The following CBY3 variants were observed in gnomAD, a reference collection of about 807,000 sequenced individuals.
CBY3 encodes chibby family member 3, also known as sperm annulus positioning complex subunit Chibby3.
In CBY3, 7 loss-of-function variants were observed where a neutral mutation model predicts 3.0. That is an observed-to-expected ratio of 2.32 (90% CI 1.32 to 4.35). The LOEUF is 4.35. Among genes scored for constraint, CBY3 ranks in the 30% most tolerant of loss-of-function variants. The pLI is 0.00. For missense variants in CBY3, 400 were observed against 336.4 expected (o/e 1.19, Z -1.48); for synonymous variants, 170 against 154.5 (o/e 1.10, Z -0.74).
chr5:179,678,780 A>G lies in CBY3; in HGVS notation c.532T>C (p.Tyr178His), dbSNP rs779470825. 6.5e-7 allele frequency: 1 copy of G among 1,537,046 alleles called. No homozygotes were observed. Among genetic ancestry groups the G allele is most frequent in the South Asian group, 1.2e-5 (1 of 84,060 alleles). The change falls in exon 2 of 2, where the codon TAC (tyrosine) becomes CAC (histidine). Residue 178 changes from tyrosine to histidine, a missense_variant. By Grantham distance (83) the Tyr-to-His change is moderately conservative. Transcript: ENST00000376974. ...AGCAGTTCCTGCTGCAGCTTCAGGT[A>G]GTTGTTCTCCTCCAGCAACACTTGG... ...KSQVLLEENN[Y>H]LKLQQELLID... is the part of the protein sequence containing the mutation.
rs755619472 is a variant in CBY3, at chr5:179,680,915, A to G, written c.4T>C (p.Trp2Arg). 6 of 1,536,572 alleles carry G rather than the reference A, an allele frequency of 3.9e-6. No individual in the cohort carries two copies. The South Asian group carries it at 7.1e-5, about 18-fold the overall frequency. ...TCAGGGAGATGGTCTCTGGAAGCCC[A>G]CATCCAGGCCCACCCTTGAGATTGT... M[W>R]ASRDHLPEPD... Residue 2 changes from tryptophan (W) to arginine (R), a missense_variant, in exon 1 of 2, where the codon TGG becomes CGG. By Grantham distance (101) the Trp-to-Arg change is moderately radical. Transcript: ENST00000376974.
chr5:179,679,383 C>T lies in CBY3; in HGVS notation c.47-118G>A. 4 of 879,016 alleles carry T rather than the reference C, an allele frequency of 4.6e-6. No homozygotes were observed. The South Asian group carries it at 5.5e-5, about 12-fold the overall frequency. The allele number at this position is 879,016 out of a possible 1,614,324, so 54.5% of individuals were successfully genotyped here. ...GGCTGCGGCTGTGTCTCACCAGCTG[C>T]TGGCCACCGAGGAGCCCGTCGTTCC... On this transcript the variant is annotated intron_variant, in intron 1 of 1. Coordinates refer to ENST00000376974, the MANE Select transcript of CBY3 (RefSeq NM_001164444.2).
chr5:179,679,030 T>TGGCG lies in CBY3; in HGVS notation c.278_281dup (p.Leu95AlafsTer49). 1 of 1,534,708 alleles carries TGGCG rather than the reference T, an allele frequency of 6.5e-7. No individual in the cohort carries two copies. The highest frequency in any genetic ancestry group is 8.7e-7 in the Non-Finnish European group (1 of 1,145,984). On this transcript the variant is annotated frameshift_variant, in exon 2 of 2. Coordinates refer to ENST00000376974, the MANE Select transcript of CBY3 (RefSeq NM_001164444.2). LOFTEE classifies it low-confidence loss of function (END_TRUNC). ...TGGACAGGGAGGGCATGCGGCGCAG[T>TGGCG]GGCGGCCGCCGTGGCGAGAAGGGCC...
chr5:179,680,792 G>A (rs1000132233), intron 1 of CBY3, 81 bp downstream of exon 1: 3 of 1,117,688 alleles, frequency 2.7e-6, no homozygotes, highest in Admixed American at 2.1e-5. Context: ...ACTAGAGCAG[G>A]GTTCCCTCTG....
chr5:179,679,368 G>A, intron 1 of CBY3, 103 bp from the exon 2 acceptor site: 1 of 1,019,594 alleles, frequency 9.8e-7, no homozygotes, highest in Non-Finnish European at 1.4e-6. Context: ...GGCTGCGGCT[G>A]TGTCTCACCA....
chr5:179,678,627 C>A lies in CBY3; in HGVS notation c.685G>T (p.Ala229Ser), dbSNP rs1205080873. ...RKMRKRAGAS[A>S]GVLMIQPCAL... is the part of the protein sequence containing the mutation. ...CACGGCTGGATCATGAGCACGCCCG[C>A]GCTGGCGCCTGCGCGCTTGCGCATC... The change falls in exon 2 of 2, where the codon GCG (alanine) becomes TCG (serine). Residue 229 changes from alanine (A) to serine (S), a missense_variant. Ala to Ser is a moderately conservative substitution (Grantham distance 99). Coordinates refer to ENST00000376974, the MANE Select transcript of CBY3 (RefSeq NM_001164444.2). 6.5e-7 allele frequency: 1 copy of A among 1,532,684 alleles called. No individual in the cohort carries two copies. The highest frequency in any genetic ancestry group is 8.7e-7 in the Non-Finnish European group (1 of 1,144,132). The allele number at this position is 1,532,684 out of a possible 1,614,324, so 94.9% of individuals were successfully genotyped here.
In CBY3 at chr5:179,679,133, G is replaced by T. The variant is rs1775983341; in HGVS notation, c.179C>A (p.Thr60Asn). 6.5e-7 allele frequency: 1 copy of T among 1,535,702 alleles called. No individual in the cohort carries two copies. Among genetic ancestry groups the T allele is most frequent in the East Asian group, 2.4e-5 (1 of 40,906 alleles). Residue 60 changes from threonine to asparagine, a missense_variant, in exon 2 of 2, where the codon ACC becomes AAC. Transcript: ENST00000376974. Reference protein sequence around the residue: ...CVPYKVHALATFECSATSHAS... With the variant: ...CVPYKVHALANFECSATSHAS... Reference sequence around the variant, plus strand: ...ATGGCTCGTAGCCGAGCACTCGAAGGTTGCCAGGGCGTGGACCTTGTAGGG... The same window carrying T: ...ATGGCTCGTAGCCGAGCACTCGAAGTTTGCCAGGGCGTGGACCTTGTAGGG...
chr5:179,680,754 C>G (rs1337876135), intron 1 of CBY3, 119 bp downstream of exon 1: 1 of 704,336 alleles, frequency 1.4e-6, no homozygotes, highest in Non-Finnish European at 2.4e-6. Context: ...AATTCCTCTT[C>G]TGCCCATGGG....
intron 1 of CBY3, 97 bp from the exon 2 acceptor site, chr5:179,679,362 G>T: frequency 9.1e-7 from 1 of 1,093,028 alleles, no homozygotes; most frequent in Non-Finnish European, 1.3e-6. Context: ...AGCTACGGCT[G>T]CGGCTGTGTC....
In CBY3 at chr5:179,680,985, T is replaced by C; in HGVS notation, c.-67A>G. 7.2e-7 allele frequency: 1 copy of C among 1,386,566 alleles called. No homozygotes were observed. The highest frequency in any genetic ancestry group is 2.0e-5 in the Admixed American group (1 of 50,406). 85.9% of individuals were successfully genotyped at this position (1,386,566 alleles called of 1,614,324 possible). A position where few individuals can be genotyped will look rare whatever the true frequency, so the allele number is the denominator to read the frequency against. On this transcript the variant is annotated 5_prime_UTR_variant, in exon 1 of 2. Transcript: ENST00000376974. Reference sequence around the variant, plus strand: ...CCCCGTTAGTCCTCACTGTATGTTGTGCCTCACCTGGAAGATGGGGTGGAG... The same window carrying C: ...CCCCGTTAGTCCTCACTGTATGTTGCGCCTCACCTGGAAGATGGGGTGGAG...
Position 179,679,065 on chromosome 5 carries a change from GATCGGCCCA to G in CBY3, c.238_246del (p.Trp80_Asp82del). Reference sequence around the variant, plus strand: ...CGTGGCGAGAAGGGCCGCGAGATGTGATCGGCCCAAAACTGCTGCAGCGTCTGCCACAGG... The same window carrying G: ...CGTGGCGAGAAGGGCCGCGAGATGTGAAACTGCTGCAGCGTCTGCCACAGG... On this transcript the variant is annotated inframe_deletion, in exon 2 of 2. Transcript: ENST00000376974. 1 of 1,535,038 alleles carries G rather than the reference GATCGGCCCA, an allele frequency of 6.5e-7. No individual in the cohort carries two copies. Among genetic ancestry groups the G allele is most frequent in the East Asian group, 2.4e-5 (1 of 40,880 alleles).
chr5:179,680,949 G>A lies in CBY3; in HGVS notation c.-31C>T, dbSNP rs376364930. ...CCCACCCTTGAGATTGTATCTTCTC[G>A]GAGGATGTTTCCCCGTTAGTCCTCA... On this transcript the variant is annotated 5_prime_UTR_variant, in exon 1 of 2. Coordinates refer to ENST00000376974, the MANE Select transcript of CBY3 (RefSeq NM_001164444.2). 33 of 1,530,800 alleles carry A rather than the reference G, an allele frequency of 2.2e-5. No individual in the cohort carries two copies. Among genetic ancestry groups the A allele is most frequent in the African/African-American group, 6.9e-5 (5 of 72,826 alleles). The allele number at this position is 1,530,800 out of a possible 1,614,324, so 94.8% of individuals were successfully genotyped here. A position where few individuals can be genotyped will look rare whatever the true frequency, so the allele number is the denominator to read the frequency against.
rs116305151 is a variant in CBY3, at chr5:179,679,095, A to C, written c.217T>G (p.Trp73Gly). ...CSATSHASRL[W>G]QTLQQFWADH... is the part of the protein sequence containing the mutation. ...GCCCAAAACTGCTGCAGCGTCTGCCACAGGCGGCTGGCATGGCTCGTAGCC... is the reference window on the plus strand; with the variant it reads ...GCCCAAAACTGCTGCAGCGTCTGCCCCAGGCGGCTGGCATGGCTCGTAGCC... Residue 73 changes from tryptophan (W) to glycine (G), a missense_variant, in exon 2 of 2, where the codon TGG becomes GGG. By Grantham distance (184) the Trp-to-Gly change is radical. Coordinates refer to ENST00000376974, the MANE Select transcript of CBY3 (RefSeq NM_001164444.2). 1,049 of 1,535,830 alleles carry C rather than the reference A, an allele frequency of 6.8e-4. 1 individual carries two copies. The highest frequency in any genetic ancestry group is 8.3e-4 in the Non-Finnish European group (947 of 1,146,696).
At position 179,678,958 on chromosome 5, in the gene CBY3, G is replaced by C; in HGVS notation, c.354C>G (p.Leu118=). Residue 118 remains leucine (L), a synonymous_variant, in exon 2 of 2, where the codon CTC becomes CTG. Coordinates refer to ENST00000376974, the MANE Select transcript of CBY3 (RefSeq NM_001164444.2). ...GGCGCATGCACGGCGCGCCGTAGGC[G>C]AGGCCCAGCTCGGCCTGGCGCGTGT... The part of the protein sequence containing the change: ...DHNTRQAELG[L]AYGAPCMRLS... 1 of 1,535,712 alleles carries C rather than the reference G, an allele frequency of 6.5e-7. No individual in the cohort carries two copies. The highest frequency in any genetic ancestry group is 1.4e-5 in the African/African-American group (1 of 73,152).
rs1228630531 is a variant in CBY3 at position 179,679,087 on chromosome 5, C to T, written c.225G>A (p.Thr75=). 2.0e-6 allele frequency: 3 copies of T among 1,535,692 alleles called. No homozygotes were observed. The highest frequency in any genetic ancestry group is 1.2e-5 in the South Asian group (1 of 84,026). Residue 75 remains threonine, a synonymous_variant, in exon 2 of 2, where the codon ACG becomes ACA. Coordinates refer to ENST00000376974, the MANE Select transcript of CBY3 (RefSeq NM_001164444.2). ...ATSHASRLWQ[T]LQQFWADHIS... ...TGTGATCGGCCCAAAACTGCTGCAGCGTCTGCCACAGGCGGCTGGCATGGC... is the reference window on the plus strand; with the variant it reads ...TGTGATCGGCCCAAAACTGCTGCAGTGTCTGCCACAGGCGGCTGGCATGGC...
At position 179,678,969 on chromosome 5, in the gene CBY3, C is replaced by G. The variant is rs1182230701; in HGVS notation, c.343G>C (p.Glu115Gln). The G allele has an allele frequency of 6.5e-7, 1 of 1,535,792 alleles. No individual in the cohort carries two copies. Among genetic ancestry groups the G allele is most frequent in the African/African-American group, 1.4e-5 (1 of 73,160 alleles). Residue 115 changes from glutamate (E) to glutamine (Q), a missense_variant, in exon 2 of 2, where the codon GAG becomes CAG. Coordinates refer to ENST00000376974, the MANE Select transcript of CBY3 (RefSeq NM_001164444.2). ...YLLDHNTRQA[E>Q]LGLAYGAPCM... is the part of the protein sequence containing the mutation. Reference sequence around the variant, plus strand: ...GGCGCGCCGTAGGCGAGGCCCAGCTCGGCCTGGCGCGTGTTGTGGTCCAGC... The same window carrying G: ...GGCGCGCCGTAGGCGAGGCCCAGCTGGGCCTGGCGCGTGTTGTGGTCCAGC...
chr5:179,679,022 C>T lies in CBY3; in HGVS notation c.290G>A (p.Arg97His). 6.5e-7 allele frequency: 1 copy of T among 1,535,262 alleles called. No individual in the cohort carries two copies. Among genetic ancestry groups the T allele is most frequent in the Non-Finnish European group, 8.7e-7 (1 of 1,146,210 alleles). The change falls in exon 2 of 2, where the codon CGC (arginine) becomes CAC (histidine). Residue 97 changes from arginine (R) to histidine (H), a missense_variant. Arg to His is a conservative substitution (Grantham distance 29). Coordinates refer to ENST00000376974, the MANE Select transcript of CBY3 (RefSeq NM_001164444.2). ...PFSPRRPPLRRMPSLSTFYLL... is the reference protein window; with the variant it reads ...PFSPRRPPLRHMPSLSTFYLL... ...GTAGAAGGTGGACAGGGAGGGCATGCGGCGCAGTGGCGGCCGCCGTGGCGA... is the reference window on the plus strand; with the variant it reads ...GTAGAAGGTGGACAGGGAGGGCATGTGGCGCAGTGGCGGCCGCCGTGGCGA...
In CBY3 at chr5:179,678,717, A is replaced by G; in HGVS notation, c.595T>C (p.Leu199=). ...TCGGGGTTGCGCTGCTTCTCCAGCA[A>G]GTGCATGCGCGCCATGGTCTCAGTC... is the stretch of plus-strand genomic sequence containing the variant. ...MLTETMARMH[L]LEKQRNPEVI... Residue 199 remains leucine, a synonymous_variant, in exon 2 of 2, where the codon TTG becomes CTG. Coordinates refer to ENST00000376974, the MANE Select transcript of CBY3 (RefSeq NM_001164444.2). The G allele has an allele frequency of 6.5e-7, 1 of 1,536,970 alleles. No homozygotes were observed. The highest frequency in any genetic ancestry group is 8.7e-7 in the Non-Finnish European group (1 of 1,146,718).
At chr5:179,679,461 G>T (rs1397114270) in intron 1 of CBY3, among the ~76,000 whole-genome samples, 196 bp from the exon 2 acceptor site, 1 of 152,210 alleles carries the variant, frequency 6.6e-6, no homozygotes, top group African/African-American at 2.4e-5. Flanking sequence ...AGACCACTGA[G>T]GATCAGGCCC....
Sources: gnomAD v4.1 joint callset for allele counts (sites outside exome capture counted in the v4.1 genomes callset) on GRCh38, gnomAD v4.1.1 for gene constraint, MANE v1.5 for transcripts, NCBI Gene and HGNC (gene_info 2026-07-23, HGNC 2026-07-21) for gene names.